THUMPD1: variants seen among roughly 807,000 people sequenced by gnomAD.
THUMPD1 encodes THUMP domain-containing protein 1.
Under a neutral mutation model 31.6 loss-of-function variants are expected in THUMPD1, and 31 were observed. The observed-to-expected ratio is 0.98, with a 90% CI of 0.74 to 1.32. The LOEUF is 1.32. Ranked by LOEUF, THUMPD1 falls within the 40% of genes most tolerant of loss-of-function variation. THUMPD1 has a pLI of 0.00. For synonymous variants in THUMPD1, 166 were observed against 158.2 expected, an observed-to-expected ratio of 1.05 and a Z score of -0.37; for missense variants, 446 against 427.8, an observed-to-expected ratio of 1.04 and a Z score of -0.38.
chr16:20,736,630 A>G lies in THUMPD1; in HGVS notation c.*250T>C, dbSNP rs2079871872. 1 of 433,610 alleles carries G rather than the reference A, an allele frequency of 2.3e-6. No homozygotes were observed. The highest frequency in any genetic ancestry group is 2.0e-5 in the African/African-American group (1 of 50,970). 26.9% of individuals were successfully genotyped at this position (433,610 alleles called of 1,614,324 possible). A position where few individuals can be genotyped will look rare whatever the true frequency, so the allele number is the denominator to read the frequency against. ...GCAGAAGAGGAGCCTGGGAGAGGCCAACATCCCCCTCCTATCCTCCCCTCT... is the reference window on the plus strand; with the variant it reads ...GCAGAAGAGGAGCCTGGGAGAGGCCGACATCCCCCTCCTATCCTCCCCTCT... On this transcript the variant is annotated 3_prime_UTR_variant, in exon 4 of 4. Transcript: ENST00000396083.
chr16:20,741,493 AC>A lies in THUMPD1; in HGVS notation c.231+15del. ...GGCCTGGCAGCCGGCCCGCCCGCCC[AC>A]CCCGGGACCGGTACCTTTTCTGGCC... is the stretch of plus-strand genomic sequence containing the variant. On this transcript the variant is annotated intron_variant, in intron 1 of 3. Transcript: ENST00000396083. 4.8e-6 allele frequency: 1 copy of A among 209,280 alleles called. No homozygotes were observed. Among genetic ancestry groups the A allele is most frequent in the Non-Finnish European group, 9.2e-6 (1 of 109,064 alleles). The allele number at this position is 209,280 out of a possible 1,614,324, so 13.0% of individuals were successfully genotyped here. A position where few individuals can be genotyped will look rare whatever the true frequency, so the allele number is the denominator to read the frequency against.
intron 1 of THUMPD1, among the ~76,000 whole-genome samples, chr16:20,739,683 T>A (rs1009784128): frequency 1.3e-5 from 2 of 151,868 alleles, no homozygotes; most frequent in African/African-American, 4.8e-5. Context: ...TAGCCCGATG[T>A]GGTGGCAGAC....
At position 20,737,067 on chromosome 16, in the gene THUMPD1, G is replaced by A. The variant is rs139713563; in HGVS notation, c.875C>T (p.Ala292Val). The A allele has an allele frequency of 3.1e-4, 503 of 1,614,078 alleles. 4 individuals are homozygous for A. In the African/African-American group the frequency reaches 5.0e-3, roughly 16 times the overall value. The change falls in exon 4 of 4, where the codon GCG (alanine) becomes GTG (valine). Residue 292 changes from alanine to valine, a missense_variant. Transcript: ENST00000396083. The part of the protein sequence containing the change: ...GNGKEAKLES[A>V]DKSDQNNTAE... ...TGTGTTGTTTTGGTCTGATTTGTCC[G>A]CAGATTCCAGTTTAGCTTCTTTCCC... is the stretch of plus-strand genomic sequence containing the variant.
In THUMPD1 at chr16:20,737,129, A is replaced by G; in HGVS notation, c.813T>C (p.Pro271=). 1 of 1,614,164 alleles carries G rather than the reference A, an allele frequency of 6.2e-7. No homozygotes were observed. The highest frequency in any genetic ancestry group is 8.5e-7 in the Non-Finnish European group (1 of 1,180,030). Residue 271 remains proline (P), a synonymous_variant, in exon 4 of 4, where the codon CCT becomes CCC. Transcript: ENST00000396083. The part of the protein sequence containing the change: ...KYNLQEVVKS[P]KDPSQLNSKQ... ...TTGAGTTAAGCTGTGACGGATCCTT[A>G]GGGCTCTTCACCACCTCCTGGAGAT...
rs1451294218 is a variant in THUMPD1 at position 20,734,880 on chromosome 16, T to C, written c.*2000A>G. 1 of 152,226 alleles carries C rather than the reference T, an allele frequency of 6.6e-6. No homozygotes were observed. The highest frequency in any genetic ancestry group is 1.5e-5 in the Non-Finnish European group (1 of 68,074). The allele number at this position is 152,226 out of a possible 1,614,324, so 9.4% of individuals were successfully genotyped here. On this transcript the variant is annotated 3_prime_UTR_variant, in exon 4 of 4. Coordinates refer to ENST00000396083, the MANE Select transcript of THUMPD1 (RefSeq NM_017736.5). ...ATTCTCTTCCTTCAGAGACAAAATTTCAAGCTGAGCAGATTCAGAGACAAG... is the reference window on the plus strand; with the variant it reads ...ATTCTCTTCCTTCAGAGACAAAATTCCAAGCTGAGCAGATTCAGAGACAAG...
chr16:20,736,891 C>G lies in THUMPD1; in HGVS notation c.1051G>C (p.Asp351His), dbSNP rs150520129. The stretch of plus-strand genomic sequence containing the variant: ...CACCAAATGACTTCCTATGAGAAGT[C>G]ATTTTCATTTGACTTGGATCCTTCT... Reference protein sequence around the residue: ...ATEGSKSNENDFS With the variant: ...ATEGSKSNENHFS Residue 351 changes from aspartate to histidine, a missense_variant, in exon 4 of 4, where the codon GAC becomes CAC. By Grantham distance (81) the Asp-to-His change is moderately conservative (BLOSUM62 -1). Transcript: ENST00000396083. 2.5e-6 allele frequency: 4 copies of G among 1,613,750 alleles called. No individual in the cohort carries two copies. The highest frequency in any genetic ancestry group is 3.4e-6 in the Non-Finnish European group (4 of 1,179,768).
In THUMPD1 at chr16:20,737,083, C is replaced by T. The variant is rs1202915691; in HGVS notation, c.859G>A (p.Ala287Thr). 6.2e-7 allele frequency: 1 copy of T among 1,614,072 alleles called. No individual in the cohort carries two copies. The highest frequency in any genetic ancestry group is 8.5e-7 in the Non-Finnish European group (1 of 1,180,034). ...LNSKQGNGKE[A>T]KLESADKSDQ... ...GATTTGTCCGCAGATTCCAGTTTAGCTTCTTTCCCATTTCCCTGCTTTGAG... is the reference window on the plus strand; with the variant it reads ...GATTTGTCCGCAGATTCCAGTTTAGTTTCTTTCCCATTTCCCTGCTTTGAG... Residue 287 changes from alanine (A) to threonine (T), a missense_variant, in exon 4 of 4, where the codon GCT (alanine) becomes ACT (threonine). Transcript: ENST00000396083.
chr16:20,737,004 G>A lies in THUMPD1; in HGVS notation c.938C>T (p.Thr313Ile). 1 of 1,614,122 alleles carries A rather than the reference G, an allele frequency of 6.2e-7. No homozygotes were observed. Among genetic ancestry groups the A allele is most frequent in the East Asian group, 2.2e-5 (1 of 44,884 alleles). The change falls in exon 4 of 4, where the codon ACT (threonine) becomes ATT (isoleucine). Residue 313 changes from threonine (T) to isoleucine (I), a missense_variant. Coordinates refer to ENST00000396083, the MANE Select transcript of THUMPD1 (RefSeq NM_017736.5). Reference protein sequence around the residue: ...GKNNQQVPENTEELGQTKPTS... With the variant: ...GKNNQQVPENIEELGQTKPTS... ...TGGTTTTGTCTGCCCCAGCTCCTCA[G>A]TATTCTCTGGTACCTGCTGGTTATT...
At chr16:20,740,712 G>A (rs937883653) in intron 1 of THUMPD1, among the ~76,000 whole-genome samples, 11 of 152,150 alleles carry the variant, frequency 7.2e-5, no homozygotes, top group African/African-American at 2.7e-4. Flanking sequence ...ATCCCTCAGT[G>A]TGCGTGTGTG....
In THUMPD1 at chr16:20,737,915, T is replaced by C. The variant is rs747641514; in HGVS notation, c.448A>G (p.Lys150Glu). ...ACTCGAGTCTTCTTTTTCTTGGTTT[T>C]GTACATATCCTGGAGAATATGATGC... ...LVHHILQDMY[K>E]TKKKKTRVIL... Residue 150 changes from lysine to glutamate, a missense_variant, in exon 3 of 4, where the codon AAA becomes GAA. Lys to Glu is a moderately conservative substitution (Grantham distance 56, BLOSUM62 1). Transcript: ENST00000396083. 1 of 1,613,706 alleles carries C rather than the reference T, an allele frequency of 6.2e-7. No individual in the cohort carries two copies. Among genetic ancestry groups the C allele is most frequent in the South Asian group, 1.1e-5 (1 of 91,032 alleles).
chr16:20,741,481 G>GCAC, intron 1 of THUMPD1, 28 bp downstream of exon 1: 1 of 1,308,414 alleles, frequency 7.6e-7, no homozygotes, highest in South Asian at 1.8e-5. Context: ...CTGGCAGCCG[G>GCAC]CCCGCCCGCC....
rs377615915 is a variant in THUMPD1, at chr16:20,738,918, A to G, written c.385T>C (p.Phe129Leu). Residue 129 changes from phenylalanine (F) to leucine (L), a missense_variant, in exon 2 of 4, where the codon TTC becomes CTC. Coordinates refer to ENST00000396083, the MANE Select transcript of THUMPD1 (RefSeq NM_017736.5). ...SVESGANNVV[F>L]IRTLGIEPEK... ...ACACCTATCCCAAGTGTCCTGATGA[A>G]GACAACGTTATTTGCTCCACTTTCC... 8.2e-5 allele frequency: 133 copies of G among 1,614,102 alleles called. No individual in the cohort carries two copies. Among genetic ancestry groups the G allele is most frequent in the Non-Finnish European group, 1.1e-4 (124 of 1,180,040 alleles).
Position 20,734,713 on chromosome 16 carries a change from A to C in THUMPD1, c.*2167T>G, listed in dbSNP as rs1314496589. 1 of 152,196 alleles carries C rather than the reference A, an allele frequency of 6.6e-6. No individual in the cohort carries two copies. Among genetic ancestry groups the C allele is most frequent in the East Asian group, 1.9e-4 (1 of 5,198 alleles). 9.4% of individuals were successfully genotyped at this position (152,196 alleles called of 1,614,324 possible). A position where few individuals can be genotyped will look rare whatever the true frequency, so the allele number is the denominator to read the frequency against. On this transcript the variant is annotated 3_prime_UTR_variant, in exon 4 of 4. Transcript: ENST00000396083. ...CTGCCTTTTCAATTGTTTTACCCAA[A>C]AAGAGGCCTTGAAAAAACTTTCAAA...
rs1466112540 is a variant in THUMPD1 at position 20,734,893 on chromosome 16, A to G, written c.*1987T>C. 1 of 152,252 alleles carries G rather than the reference A, an allele frequency of 6.6e-6. No individual in the cohort carries two copies. Among genetic ancestry groups the G allele is most frequent in the Non-Finnish European group, 1.5e-5 (1 of 68,070 alleles). 9.4% of individuals were successfully genotyped at this position (152,252 alleles called of 1,614,324 possible). ...AGAGACAAAATTTCAAGCTGAGCAG[A>G]TTCAGAGACAAGGGTTCCTCATAGG... is the stretch of plus-strand genomic sequence containing the variant. On this transcript the variant is annotated 3_prime_UTR_variant, in exon 4 of 4. Transcript: ENST00000396083.
intron 2 of THUMPD1, chr16:20,738,685 C>G: frequency 1.8e-6 from 1 of 563,030 alleles, no homozygotes; most frequent in Non-Finnish European, 3.1e-6. Context: ...ACGAAGGAAG[C>G]AGCAAAGCCA....
At position 20,736,184 on chromosome 16, in the gene THUMPD1, C is replaced by A. The variant is rs2079867380; in HGVS notation, c.*696G>T. 6.6e-6 allele frequency: 1 copy of A among 152,074 alleles called. No homozygotes were observed. Among genetic ancestry groups the A allele is most frequent in the East Asian group, 1.9e-4 (1 of 5,184 alleles). 9.4% of individuals were successfully genotyped at this position (152,074 alleles called of 1,614,324 possible). A position where few individuals can be genotyped will look rare whatever the true frequency, so the allele number is the denominator to read the frequency against. On this transcript the variant is annotated 3_prime_UTR_variant, in exon 4 of 4. Transcript: ENST00000396083. ...CATAATACCCTTGAGAAGTAGCTTT[C>A]TTTATTAAGACAGAATTTCTTTGTG... is the stretch of plus-strand genomic sequence containing the variant.
rs2079871253 is a variant in THUMPD1, at chr16:20,736,566, A to C, written c.*314T>G. The stretch of plus-strand genomic sequence containing the variant: ...AATGAAAACTTCCCTCTGATTTTCT[A>C]CTTCACAGGTAGTTCACTCCCTTAA... On this transcript the variant is annotated 3_prime_UTR_variant, in exon 4 of 4. Coordinates refer to ENST00000396083, the MANE Select transcript of THUMPD1 (RefSeq NM_017736.5). 1 of 257,806 alleles carries C rather than the reference A, an allele frequency of 3.9e-6. No homozygotes were observed. Among genetic ancestry groups the C allele is most frequent in the African/African-American group, 2.2e-5 (1 of 45,518 alleles). 16.0% of individuals were successfully genotyped at this position (257,806 alleles called of 1,614,324 possible).
rs1304150414 is a variant in THUMPD1, at chr16:20,734,896, C to G, written c.*1984G>C. Reference sequence around the variant, plus strand: ...GACAAAATTTCAAGCTGAGCAGATTCAGAGACAAGGGTTCCTCATAGGTTA... The same window carrying G: ...GACAAAATTTCAAGCTGAGCAGATTGAGAGACAAGGGTTCCTCATAGGTTA... On this transcript the variant is annotated 3_prime_UTR_variant, in exon 4 of 4. Transcript: ENST00000396083. 1 of 152,178 alleles carries G rather than the reference C, an allele frequency of 6.6e-6. No homozygotes were observed. Among genetic ancestry groups the G allele is most frequent in the Admixed American group, 6.5e-5 (1 of 15,270 alleles). 9.4% of individuals were successfully genotyped at this position (152,178 alleles called of 1,614,324 possible). A position where few individuals can be genotyped will look rare whatever the true frequency, so the allele number is the denominator to read the frequency against.
Position 20,737,281 on chromosome 16 carries a change from C to T in THUMPD1, c.661G>A (p.Val221Met), listed in dbSNP as rs749553917. ...TTATTTTCTGAATTGAGGGTGCACA[C>T]TATTCCTGTAACAAAAACAGAAAAA... is the stretch of plus-strand genomic sequence containing the variant. ...EEVIRELAGI[V>M]CTLNSENKVD... Residue 221 changes from valine (V) to methionine (M), a missense_variant, in exon 4 of 4, where the codon GTG (valine) becomes ATG (methionine). Coordinates refer to ENST00000396083, the MANE Select transcript of THUMPD1 (RefSeq NM_017736.5). 2.5e-6 allele frequency: 4 copies of T among 1,605,092 alleles called. No homozygotes were observed. Among genetic ancestry groups the T allele is most frequent in the Non-Finnish European group, 3.4e-6 (4 of 1,175,042 alleles).
Sources: gnomAD v4.1 joint callset for allele counts (sites outside exome capture counted in the v4.1 genomes callset) on GRCh38, gnomAD v4.1.1 for gene constraint, MANE v1.5 for transcripts, NCBI Gene and HGNC (gene_info 2026-07-23, HGNC 2026-07-21) for gene names.